Variants in EXOC6 observed in about 807,000 individuals in gnomAD.
The protein encoded by EXOC6 is exocyst complex component 6.
Under a neutral mutation model 112.5 loss-of-function variants are expected in EXOC6, and 60 were observed. The ratio of observed to expected loss-of-function variants is 0.53; its 90% CI spans 0.43 to 0.66. The LOEUF (loss-of-function observed/expected upper bound fraction) is 0.66, where lower values mean the gene tolerates loss of function less well. EXOC6 is among the 30% of genes least tolerant of loss of function. The pLI is 0.00. For synonymous variants in EXOC6, 295 were observed against 308.0 expected (o/e 0.96, Z 0.44); for missense variants, 855 against 957.1 (o/e 0.89, Z 1.41).
intron 12 of EXOC6, among the ~76,000 whole-genome samples, 182 bp from the exon 13 acceptor site, chr10:92,940,545 C>G (rs1157031724): frequency 1.3e-5 from 2 of 152,044 alleles, no homozygotes; most frequent in Non-Finnish European, 2.9e-5. Context: ...TCTTTCTGAA[C>G]CTCTTTTTTT....
chr10:92,896,269 C>T (rs1345811995), intron 4 of EXOC6, among the ~76,000 whole-genome samples: 1 of 124,210 alleles, frequency 8.1e-6, no homozygotes, highest in Non-Finnish European at 1.6e-5. Context: ...ATGATCTCTG[C>T]TCATTACAAC....
chr10:93,033,362 G>T (rs185709075), intron 20 of EXOC6, among the ~76,000 whole-genome samples: 12 of 152,282 alleles, frequency 7.9e-5, no homozygotes, highest in African/African-American at 2.9e-4. Context: ...AGAGATTTCT[G>T]CTTTCAGTAT....
At chr10:92,850,750 T>C (rs1426429806) in intron 1 of EXOC6, among the ~76,000 whole-genome samples, 1 of 152,228 alleles carries the variant, frequency 6.6e-6, no homozygotes, top group African/African-American at 2.4e-5. Flanking sequence ...ATAAATATTT[T>C]AGTATTAAGA....
At chr10:92,861,439 G>T (rs950671034) in intron 1 of EXOC6, among the ~76,000 whole-genome samples, 4 of 152,146 alleles carry the variant, frequency 2.6e-5, no homozygotes, top group Admixed American at 2.6e-4. Flanking sequence ...TATTACTGTG[G>T]TATAGCCTCT....
At chr10:93,055,742 A>G (rs1460401079) in intron 20 of EXOC6, among the ~76,000 whole-genome samples, 4 of 152,098 alleles carry the variant, frequency 2.6e-5, no homozygotes, top group African/African-American at 7.2e-5. Context: ...TGTCCGAAAG[A>G]AAATAGAGTG....
chr10:92,985,147 T>G (rs835247), intron 18 of EXOC6, among the ~76,000 whole-genome samples: 69,733 of 151,820 alleles, frequency 0.46, 16,951 homozygotes, highest in African/African-American at 0.61. Context: ...TGCATCAGGA[T>G]CCTCAGCTCT....
chr10:92,862,371 A>G (rs1020922702), intron 1 of EXOC6, among the ~76,000 whole-genome samples: 2 of 150,464 alleles, frequency 1.3e-5, no homozygotes, highest in African/African-American at 4.9e-5. Flanking sequence ...TAAATCACCA[A>G]TGTGATAGTT....
At position 92,934,180 on chromosome 10, in the gene EXOC6, C is replaced by G; in HGVS notation, c.1009C>G (p.Gln337Glu). 1 of 1,550,568 alleles carries G rather than the reference C, an allele frequency of 6.4e-7. No individual in the cohort carries two copies. Among genetic ancestry groups the G allele is most frequent in the East Asian group, 2.3e-5 (1 of 44,086 alleles). The part of the protein sequence containing the change: ...TVDGYRRYFT[Q>E]IVGFFVVEDH... ...TGATGGCTATAGAAGATATTTCACT[C>G]AAATTGTAGGGTATGTATCTAATAT... Residue 337 changes from glutamine to glutamate, a missense_variant, in exon 10 of 22, where the codon CAA (glutamine) becomes GAA (glutamate). Gln to Glu is a conservative substitution (Grantham distance 29, BLOSUM62 2). This residue lies in a region of EXOC6 where 450 missense variants were observed against 563.5 expected (regional missense o/e 0.80). Coordinates refer to ENST00000260762, the MANE Select transcript of EXOC6 (RefSeq NM_019053.6).
At chr10:92,916,295 G>GCA (rs1851083609) in intron 7 of EXOC6, among the ~76,000 whole-genome samples, 3 of 152,260 alleles carry the variant, frequency 2.0e-5, no homozygotes, top group Admixed American at 1.3e-4. Context: ...TGGATCACTT[G>GCA]AGGCAGGAGT....
At chr10:93,050,759 C>A (rs1430647350) in intron 20 of EXOC6, among the ~76,000 whole-genome samples, 25 of 37,294 alleles carry the variant, frequency 6.7e-4, no homozygotes, top group South Asian at 2.0e-3. Flanking sequence ...GACTCCGTCT[C>A]AAAAAAAAAA....
At chr10:92,928,620 T>G (rs1340147255) in intron 9 of EXOC6, among the ~76,000 whole-genome samples, 198 bp downstream of exon 9, 1 of 151,124 alleles carries the variant, frequency 6.6e-6, no homozygotes, top group Non-Finnish European at 1.5e-5. Context: ...TGAGCTTACA[T>G]TCTATTAGGA....
At chr10:92,985,603 C>T (rs1321186890) in intron 18 of EXOC6, among the ~76,000 whole-genome samples, 1 of 152,142 alleles carries the variant, frequency 6.6e-6, no homozygotes, top group East Asian at 1.9e-4. Flanking sequence ...TAGATCATCT[C>T]TAAAGTCCCT....
Position 92,909,542 on chromosome 10 carries a change from A to T in EXOC6, c.574A>T (p.Ile192Phe), listed in dbSNP as rs1368514220. Reference protein sequence around the residue: ...IENLPKLREDIKEISMSDLKD... With the variant: ...IENLPKLREDFKEISMSDLKD... ...AAATCTTCCCAAACTCCGTGAGGAT[A>T]TTAAAGAAATCTCCATGTCTGATCT... The change falls in exon 6 of 22, where the codon ATT (isoleucine) becomes TTT (phenylalanine). Residue 192 changes from isoleucine to phenylalanine, a missense_variant. Ile to Phe is a conservative substitution (Grantham distance 21). Coordinates refer to ENST00000260762, the MANE Select transcript of EXOC6 (RefSeq NM_019053.6). 1 of 1,613,476 alleles carries T rather than the reference A, an allele frequency of 6.2e-7. No individual in the cohort carries two copies. Among genetic ancestry groups the T allele is most frequent in the African/African-American group, 1.3e-5 (1 of 75,040 alleles).
chr10:92,997,336 A>C (rs1441910635), intron 18 of EXOC6, 138 bp from the exon 19 acceptor site: 3 of 654,358 alleles, frequency 4.6e-6, no homozygotes, highest in African/African-American at 3.7e-5. Context: ...AGAATACAGA[A>C]ACAGGAAGGA....
At chr10:92,928,503 CACTG>C in intron 9 of EXOC6, 81 bp downstream of exon 9, 1 of 800,382 alleles carries the variant, frequency 1.2e-6, no homozygotes, top group South Asian at 1.8e-5. Flanking sequence ...AAGCATGTAT[CACTG>C]TTCATTCAAC....
upstream of EXOC6, among the ~76,000 whole-genome samples, chr10:92,843,911 A>G (rs1173392872): frequency 3.0e-5 from 4 of 134,794 alleles, no homozygotes; most frequent in Non-Finnish European, 4.6e-5. Context: ...TTGGAGGTGG[A>G]GGCTGCAGTG....
rs188619074 is a variant in EXOC6 at position 92,996,387 on chromosome 10, A to G, written c.1954-1087A>G. ...AAAAATAATTTATCTTTGGGAGGCC[A>G]AGGCGGGCGGATCACAAGGTCAGAT... On this transcript the variant is annotated intron_variant, in intron 18 of 21. Transcript: ENST00000260762. Among the ~76,000 whole-genome samples, 80 of 152,300 alleles carry G rather than the reference A, an allele frequency of 5.3e-4. 1 individual carries two copies. In the East Asian group the frequency reaches 9.4e-3, roughly 18 times the overall value.
intron 14 of EXOC6, among the ~76,000 whole-genome samples, chr10:92,949,431 A>T (rs570187426): frequency 6.6e-6 from 1 of 152,106 alleles, no homozygotes; most frequent in Non-Finnish European, 1.5e-5. Flanking sequence ...ATTTTTTGAA[A>T]GCCCAATGAA....
At chr10:92,848,727 G>T (rs1847169891) in intron 1 of EXOC6, 93 bp downstream of exon 1, 1 of 1,047,066 alleles carries the variant, frequency 9.6e-7, no homozygotes, top group Non-Finnish European at 1.2e-6. Context: ...GGCCGCGCGC[G>T]AAGCTCCCCG....
Sources: allele counts gnomAD v4.1 joint callset (sites outside exome capture counted in the v4.1 genomes callset), GRCh38; gene constraint gnomAD v4.1.1; regional missense constraint gnomAD v4.1.1; transcripts MANE v1.5; gene names NCBI Gene and HGNC (gene_info 2026-07-23, HGNC 2026-07-21).